RSRC1: variants seen among roughly 807,000 people sequenced by gnomAD.
The protein encoded by RSRC1 is arginine and serine rich coiled-coil 1, also known as serine/Arginine-related protein 53.
A neutral mutation model predicts 49.1 loss-of-function variants in RSRC1; 39 were observed. The ratio of observed to expected loss-of-function variants is 0.79; its 90% CI spans 0.61 to 1.04. The LOEUF (loss-of-function observed/expected upper bound fraction) is 1.04. Among genes scored for constraint, RSRC1 ranks in the 50% least tolerant of loss-of-function variants. The pLI, the probability that RSRC1 is intolerant of heterozygous loss-of-function variation, is 0.00. For synonymous variants in RSRC1, 143 were observed against 130.8 expected (o/e 1.09, Z -0.63); for missense variants, 388 against 402.4 (o/e 0.96, Z 0.31).
At chr3:158,239,652 A>T (rs1013698278) in intron 4 of RSRC1, among the ~76,000 whole-genome samples, 2 of 152,114 alleles carry the variant, frequency 1.3e-5, no homozygotes, top group African/African-American at 4.8e-5. Context: ...ACAGCAAACC[A>T]ACATGGCACA....
intron 4 of RSRC1, among the ~76,000 whole-genome samples, chr3:158,280,291 C>T (rs953276009): frequency 2.0e-5 from 3 of 152,056 alleles, no homozygotes; most frequent in Non-Finnish European, 4.4e-5. Flanking sequence ...TTGAGCAATT[C>T]TTGTTTTCCT....
At chr3:158,371,905 G>A (rs975367583) in intron 6 of RSRC1, among the ~76,000 whole-genome samples, 1 of 151,724 alleles carries the variant, frequency 6.6e-6, no homozygotes, top group African/African-American at 2.4e-5. Context: ...ATTTCAGTGG[G>A]TGTGTAGATG....
At chr3:158,337,336 G>A (rs558856675) in intron 5 of RSRC1, among the ~76,000 whole-genome samples, 52 of 152,212 alleles carry the variant, frequency 3.4e-4, no homozygotes, top group Non-Finnish European at 7.4e-4. Flanking sequence ...TCTGTCCCCA[G>A]TCCCACATCA....
chr3:158,485,190 G>A (rs1405983108), intron 7 of RSRC1, among the ~76,000 whole-genome samples: 1 of 151,950 alleles, frequency 6.6e-6, no homozygotes, highest in East Asian at 1.9e-4. Context: ...TATGTATCTT[G>A]TTTACTAAAA....
At chr3:158,147,980 A>G (rs894837226) in intron 3 of RSRC1, among the ~76,000 whole-genome samples, 1 of 152,204 alleles carries the variant, frequency 6.6e-6, no homozygotes, top group African/African-American at 2.4e-5. Context: ...AAATTTTCTA[A>G]ACTCTTATTC....
rs544042149 is a variant in RSRC1, at chr3:158,149,753, G to T, written c.320+25762G>T. On this transcript the variant is annotated intron_variant, in intron 3 of 9. Transcript: ENST00000611884. ...GATTGTAAAACCCATCAGGATCAAA[G>T]ACCAAGGGGGCATGGCTATCAAGTA... 2.0e-5 allele frequency among the ~76,000 whole-genome samples: 3 copies of T among 152,212 alleles called. No homozygotes were observed. The South Asian group carries it at 6.2e-4, about 32-fold the overall frequency.
intron 1 of RSRC1, among the ~76,000 whole-genome samples, chr3:158,112,635 A>G (rs1424749749): frequency 1.3e-5 from 2 of 152,146 alleles, no homozygotes; most frequent in African/African-American, 4.8e-5. Context: ...TGGTTTTTCA[A>G]ACTTTTCTTG....
chr3:158,450,436 G>C (rs56254920), intron 6 of RSRC1, among the ~76,000 whole-genome samples: 1 of 150,780 alleles, frequency 6.6e-6, no homozygotes, highest in Non-Finnish European at 1.5e-5. Context: ...TACTATGGAC[G>C]CATATGGTGT....
chr3:158,381,073 T>C (rs1340021804), intron 6 of RSRC1, among the ~76,000 whole-genome samples: 1 of 152,174 alleles, frequency 6.6e-6, no homozygotes, highest in Non-Finnish European at 1.5e-5. Flanking sequence ...CGTGAATGTA[T>C]AAAATATATG....
At chr3:158,185,293 G>C (rs1316095073) in intron 3 of RSRC1, among the ~76,000 whole-genome samples, 3 of 151,874 alleles carry the variant, frequency 2.0e-5, no homozygotes, top group Non-Finnish European at 4.4e-5. Context: ...TTAAGATACT[G>C]GTTTACTTAC....
At chr3:158,300,099 T>G (rs1436657237) in intron 5 of RSRC1, among the ~76,000 whole-genome samples, 1 of 152,218 alleles carries the variant, frequency 6.6e-6, no homozygotes. Context: ...TCATTTTTAC[T>G]TATGTCATAT....
intron 4 of RSRC1, among the ~76,000 whole-genome samples, chr3:158,224,027 T>C (rs1722376488): frequency 6.6e-6 from 1 of 151,796 alleles, no homozygotes; most frequent in Admixed American, 6.6e-5. Flanking sequence ...TGTGTAATCA[T>C]CTTGTTAGTA....
At chr3:158,411,186 G>A (rs1048862681) in intron 6 of RSRC1, among the ~76,000 whole-genome samples, 9 of 151,890 alleles carry the variant, frequency 5.9e-5, no homozygotes, top group Admixed American at 4.6e-4. Flanking sequence ...TTTTTTAACC[G>A]AAATTTCTGC....
intron 1 of RSRC1, 24 bp from the exon 2 acceptor site, chr3:158,122,079 T>C: frequency 7.2e-7 from 1 of 1,395,190 alleles, no homozygotes; most frequent in Non-Finnish European, 9.5e-7. Flanking sequence ...TTAGAAATAA[T>C]ATTCTTCAAA....
intron 5 of RSRC1, among the ~76,000 whole-genome samples, chr3:158,306,319 G>T (rs1041565617): frequency 6.6e-6 from 1 of 151,494 alleles, no homozygotes; most frequent in Admixed American, 6.6e-5. Context: ...TACTATGTAT[G>T]GTATTTTACA....
chr3:158,151,653 G>C (rs147538627), intron 3 of RSRC1, among the ~76,000 whole-genome samples: 153 of 152,280 alleles, frequency 1.0e-3, no homozygotes, highest in African/African-American at 3.5e-3. Flanking sequence ...GTGCTGCGCG[G>C]TGTGAATGCA....
chr3:158,544,317 T>C lies in RSRC1; in HGVS notation c.*42T>C. 2.3e-6 allele frequency: 3 copies of C among 1,313,248 alleles called. No individual in the cohort carries two copies. The highest frequency in any genetic ancestry group is 3.2e-6 in the Non-Finnish European group (3 of 943,190). 81.3% of individuals were successfully genotyped at this position (1,313,248 alleles called of 1,614,324 possible). A position where few individuals can be genotyped will look rare whatever the true frequency, so the allele number is the denominator to read the frequency against. On this transcript the variant is annotated 3_prime_UTR_variant, in exon 10 of 10. Transcript: ENST00000611884. ...TGGATTGGATTGTCAGCAGTAACAT[T>C]GGAAATTTAGGTTTTTAAATCCCAA...
intron 6 of RSRC1, among the ~76,000 whole-genome samples, chr3:158,389,766 C>CACTTACA (rs1222056876): frequency 6.6e-6 from 1 of 152,158 alleles, no homozygotes; most frequent in Admixed American, 6.5e-5. Flanking sequence ...ACATGTGTAT[C>CACTTACA]TGGTAGGGCA....
intron 9 of RSRC1, 31 bp downstream of exon 9, chr3:158,543,518 T>G: frequency 6.3e-7 from 1 of 1,576,436 alleles, no homozygotes; most frequent in Non-Finnish European, 8.6e-7. Flanking sequence ...GAATGTCAGT[T>G]GAAGTCTAAT....
Sources: gnomAD v4.1 joint callset for allele counts (sites outside exome capture counted in the v4.1 genomes callset) on GRCh38, gnomAD v4.1.1 for gene constraint, MANE v1.5 for transcripts, NCBI Gene and HGNC (gene_info 2026-07-23, HGNC 2026-07-21) for gene names.